The following IKZF2 variants were observed in gnomAD, a reference collection of about 807,000 sequenced individuals.
The protein encoded by IKZF2 is zinc finger protein Helios.
In IKZF2, 15 loss-of-function variants were observed where a neutral mutation model predicts 49.2. The observed-to-expected ratio is 0.30, with a 90% CI of 0.20 to 0.47. The LOEUF is 0.47. Ranked by LOEUF, IKZF2 falls within the 20% of genes least tolerant of loss-of-function variation. IKZF2 has a pLI of 1.00. For missense variants in IKZF2, 567 were observed against 664.6 expected (o/e 0.85, Z 1.61); for synonymous variants, 227 against 221.4 (o/e 1.03, Z -0.23).
At chr2:213,112,866 A>G (rs1317006512) in intron 4 of IKZF2, among the ~76,000 whole-genome samples, 1 of 152,184 alleles carries the variant, frequency 6.6e-6, no homozygotes, top group Admixed American at 6.5e-5. Context: ...CAATACTAGC[A>G]TCTACCTCAT....
chr2:213,050,580 T>C (rs1700587825), intron 5 of IKZF2, among the ~76,000 whole-genome samples: 2 of 152,164 alleles, frequency 1.3e-5, no homozygotes, highest in African/African-American at 4.8e-5. Flanking sequence ...GTAAAACCTT[T>C]AGCAAAATTT....
intron 4 of IKZF2, among the ~76,000 whole-genome samples, chr2:213,074,495 T>C (rs1266721134): frequency 2.0e-5 from 3 of 152,338 alleles, no homozygotes; most frequent in South Asian, 2.1e-4. Context: ...ATGTTGTATA[T>C]GTGGTCTATC....
In IKZF2 at chr2:213,003,396, A is replaced by C. The variant is rs1695063763; in HGVS notation, c.*3964T>G. 1 of 151,814 alleles carries C rather than the reference A, an allele frequency of 6.6e-6. No individual in the cohort carries two copies. Among genetic ancestry groups the C allele is most frequent in the Non-Finnish European group, 1.5e-5 (1 of 67,684 alleles). The allele number at this position is 151,814 out of a possible 1,614,324, so 9.4% of individuals were successfully genotyped here. Reference sequence around the variant, plus strand: ...TTTGGGGAATTTTCTGGTTTAGAATAGTCTTCATTCAGATAGTATTTATTA... The same window carrying C: ...TTTGGGGAATTTTCTGGTTTAGAATCGTCTTCATTCAGATAGTATTTATTA... On this transcript the variant is annotated 3_prime_UTR_variant, in exon 9 of 9. Transcript: ENST00000434687.
chr2:213,077,427 T>C (rs770348268), intron 4 of IKZF2, among the ~76,000 whole-genome samples: 13 of 152,092 alleles, frequency 8.5e-5, no homozygotes, highest in Admixed American at 2.6e-4. Flanking sequence ...CTACCTCTTA[T>C]CTATAGTGAA....
chr2:213,146,759 C>CAGT lies in IKZF2; in HGVS notation c.139+948_139+949insACT, dbSNP rs1553604930. ...TCACTTTTCTTAGTTATTAAATCTT[C>CAGT]GGGGGGGGGGAAGGAAAGAGAATGC... On this transcript the variant is annotated intron_variant, in intron 4 of 8. Transcript: ENST00000434687. Among the ~76,000 whole-genome samples the CAGT allele has an allele frequency of 1.6e-4, 14 of 87,168 alleles. 1 individual carries two copies. The highest frequency in any genetic ancestry group is 5.1e-4 in the African/African-American group (13 of 25,634). 57.2% of individuals were successfully genotyped at this position (87,168 alleles called of 152,430 possible).
chr2:213,053,865 A>G (rs886997688), intron 5 of IKZF2, among the ~76,000 whole-genome samples: 3 of 152,198 alleles, frequency 2.0e-5, no homozygotes, highest in African/African-American at 7.2e-5. Context: ...GTACTTTAGT[A>G]GAGTATGACA....
rs1695276746 is a variant in IKZF2 at position 213,005,547 on chromosome 2, G to A, written c.*1813C>T. 6.6e-6 allele frequency: 1 copy of A among 151,812 alleles called. No individual in the cohort carries two copies. The highest frequency in any genetic ancestry group is 1.5e-5 in the Non-Finnish European group (1 of 67,924). The allele number at this position is 151,812 out of a possible 1,614,324, so 9.4% of individuals were successfully genotyped here. ...CTTATGTCCACAATTCTCTTGACTTGGTAATTCTCATACCACACTGTATTA... is the reference window on the plus strand; with the variant it reads ...CTTATGTCCACAATTCTCTTGACTTAGTAATTCTCATACCACACTGTATTA... On this transcript the variant is annotated 3_prime_UTR_variant, in exon 9 of 9. Coordinates refer to ENST00000434687, the MANE Select transcript of IKZF2 (RefSeq NM_001387220.1).
chr2:213,035,560 C>G (rs981389095), intron 6 of IKZF2, among the ~76,000 whole-genome samples: 1 of 152,146 alleles, frequency 6.6e-6, no homozygotes, highest in Non-Finnish European at 1.5e-5. Flanking sequence ...GACATTTAAA[C>G]TAACATCTGA....
chr2:213,150,291 C>T (rs2061237243), intron 1 of IKZF2, 44 bp from the exon 2 acceptor site: 2 of 738,410 alleles, frequency 2.7e-6, no homozygotes, highest in East Asian at 6.5e-5. Context: ...TTTTGTGTTT[C>T]CCCCTTCTCT....
intron 4 of IKZF2, among the ~76,000 whole-genome samples, chr2:213,085,371 G>A (rs1396586321): frequency 6.6e-6 from 1 of 152,072 alleles, no homozygotes; most frequent in Non-Finnish European, 1.5e-5. Flanking sequence ...ACATCTTAGG[G>A]TATAAATGGC....
intron 4 of IKZF2, among the ~76,000 whole-genome samples, chr2:213,139,195 G>T (rs542029575): frequency 6.6e-6 from 1 of 151,858 alleles, no homozygotes; most frequent in Admixed American, 6.6e-5. Flanking sequence ...ATTAATATAG[G>T]TTACAGACTG....
At chr2:213,034,188 T>C (rs1374079832) in intron 6 of IKZF2, among the ~76,000 whole-genome samples, 1 of 152,256 alleles carries the variant, frequency 6.6e-6, no homozygotes, top group Non-Finnish European at 1.5e-5. Flanking sequence ...GGCTTTGATT[T>C]AAGAGAATGT....
chr2:213,073,428 A>T (rs1051972445), intron 4 of IKZF2, among the ~76,000 whole-genome samples: 1 of 152,156 alleles, frequency 6.6e-6, no homozygotes, highest in African/African-American at 2.4e-5. Context: ...AACAGAAAAC[A>T]CTGCCAGGAA....
intron 7 of IKZF2, among the ~76,000 whole-genome samples, chr2:213,020,946 T>C (rs969557852): frequency 6.6e-6 from 1 of 152,124 alleles, no homozygotes; most frequent in Admixed American, 6.6e-5. Flanking sequence ...GGTGCAATGG[T>C]TCACACCTGT....
intron 4 of IKZF2, among the ~76,000 whole-genome samples, chr2:213,127,830 CT>C (rs2060320315): frequency 6.6e-6 from 1 of 152,118 alleles, no homozygotes; most frequent in Non-Finnish European, 1.5e-5. Flanking sequence ...AATTAACTAA[CT>C]TAAGAATACA....
At chr2:213,149,756 T>C (rs2061210543) in intron 2 of IKZF2, among the ~76,000 whole-genome samples, 1 of 144,164 alleles carries the variant, frequency 6.9e-6, no homozygotes. Flanking sequence ...CCCCTCCCCT[T>C]CTTCACCACC....
At chr2:213,130,868 G>T (rs2060453510) in intron 4 of IKZF2, among the ~76,000 whole-genome samples, 1 of 152,046 alleles carries the variant, frequency 6.6e-6, no homozygotes, top group South Asian at 2.1e-4. Flanking sequence ...AACAGTGAAA[G>T]AGATACAATA....
intron 4 of IKZF2, among the ~76,000 whole-genome samples, chr2:213,140,683 C>G (rs1574983670): frequency 6.6e-6 from 1 of 151,872 alleles, no homozygotes; most frequent in East Asian, 1.9e-4. Flanking sequence ...ATCAGTGGGT[C>G]AATCACATCA....
intron 7 of IKZF2, 94 bp from the exon 8 acceptor site, chr2:213,014,028 AGCTAGTAT>A: frequency 8.4e-7 from 1 of 1,190,906 alleles, no homozygotes; most frequent in South Asian, 1.3e-5. Flanking sequence ...GTGTTATAAA[AGCTAGTAT>A]GCTTCAGTAG....
Sources: gnomAD v4.1 joint callset for allele counts (sites outside exome capture counted in the v4.1 genomes callset) on GRCh38, gnomAD v4.1.1 for gene constraint, MANE v1.5 for transcripts, NCBI Gene and HGNC (gene_info 2026-07-23, HGNC 2026-07-21) for gene names.